The following SH3TC1 variants were observed in gnomAD, a reference collection of about 807,000 sequenced individuals.
The protein encoded by SH3TC1 is SH3 domain and tetratricopeptide repeats 1.
Under a neutral mutation model 117.3 loss-of-function variants are expected in SH3TC1, and 135 were observed. The observed-to-expected ratio is 1.15, with a 90% confidence interval of 1.00 to 1.33. The LOEUF (loss-of-function observed/expected upper bound fraction) is 1.33. Among genes scored for constraint, SH3TC1 ranks in the 40% most tolerant of loss-of-function variants. The probability of loss-of-function intolerance (pLI) is 0.00; values close to 1 mark genes in which losing one functional copy is unlikely to be tolerated. For missense variants in SH3TC1, 2,092 were observed against 1,794.3 expected (o/e 1.17, Z -3.00); for synonymous variants, 898 against 816.9 (o/e 1.10, Z -1.69).
chr4:8,199,267 T>A (rs954910149), upstream of SH3TC1: 2 of 152,276 alleles, frequency 1.3e-5, no homozygotes, highest in Non-Finnish European at 2.9e-5. Context: ...TCAGCCTGGC[T>A]GTGGGCGGCC....
At chr4:8,216,318 G>A in intron 6 of SH3TC1, 61 bp downstream of exon 6, 1 of 1,572,680 alleles carries the variant, frequency 6.4e-7, no homozygotes, top group South Asian at 1.2e-5. Context: ...CGGGCCATGG[G>A]GTGACAGCCT....
intron 9 of SH3TC1, among the ~76,000 whole-genome samples, chr4:8,219,919 G>C (rs1268212251): frequency 6.6e-6 from 1 of 152,162 alleles, no homozygotes; most frequent in Admixed American, 6.5e-5. Context: ...TCTAGGGGAG[G>C]GTCCTTCTTG....
At chr4:8,191,656 G>A (rs563363760) in intron 1 of SH3TC1, among the ~76,000 whole-genome samples, 35 of 152,278 alleles carry the variant, frequency 2.3e-4, no homozygotes, top group African/African-American at 6.7e-4. Context: ...TTATCATGCC[G>A]GCCCGGATAC....
upstream of SH3TC1, among the ~76,000 whole-genome samples, chr4:8,197,750 G>A (rs1390424973): frequency 3.9e-5 from 6 of 152,204 alleles, no homozygotes; most frequent in African/African-American, 1.4e-4. Context: ...GGCATCTGCA[G>A]CTGCACCCCC....
Position 8,205,917 on chromosome 4 carries a change from CA to C in SH3TC1, c.172+552del. 3.9e-6 allele frequency: 2 copies of C among 517,214 alleles called. No individual in the cohort carries two copies. The highest frequency in any genetic ancestry group is 6.9e-6 in the Non-Finnish European group (2 of 290,016). 32.0% of individuals were successfully genotyped at this position (517,214 alleles called of 1,614,324 possible). A position where few individuals can be genotyped will look rare whatever the true frequency, so the allele number is the denominator to read the frequency against. ...ACCCTGAAGGGGACGAGGGGAGAGG[CA>C]GGGGAGACCAAGGCCTGCACGGCCC... On this transcript the variant is annotated intron_variant, in intron 2 of 17. Transcript: ENST00000245105. The surrounding 1 kb of genome is among the most constrained non-coding windows in gnomAD (Gnocchi z 5.4).
chr4:8,227,029 G>A lies in SH3TC1; in HGVS notation c.1335G>A (p.Lys445=), dbSNP rs778274179. ...LSLEPQETLQ[K]VKNVLEQCKT... is the part of the protein sequence containing the mutation. ...TGGAGCCACAGGAGACCTTGCAGAA[G>A]GTGAAGAATGTTCTGGAACAATGCA... Residue 445 remains lysine (K), a synonymous_variant, in exon 12 of 18, where the codon AAG becomes AAA. Transcript: ENST00000245105. The A allele has an allele frequency of 8.9e-6, 14 of 1,575,344 alleles. No individual in the cohort carries two copies. Among genetic ancestry groups the A allele is most frequent in the Non-Finnish European group, 1.2e-5 (14 of 1,161,306 alleles).
chr4:8,237,796 C>T (rs1036991266), intron 17 of SH3TC1, 126 bp downstream of exon 17: 45 of 1,076,444 alleles, frequency 4.2e-5, no homozygotes, highest in South Asian at 2.9e-4. Context: ...TGGAGCGCTG[C>T]GCCCGGCTGG....
In SH3TC1 at chr4:8,205,543, C is replaced by T; in HGVS notation, c.172+177C>T. ...CCCCGCGTGTGTTTAACAGGAGCCACTGTGCCCGCTGAGTCACTTGAGAGG... is the reference window on the plus strand; with the variant it reads ...CCCCGCGTGTGTTTAACAGGAGCCATTGTGCCCGCTGAGTCACTTGAGAGG... On this transcript the variant is annotated intron_variant, in intron 2 of 17. Transcript: ENST00000245105. The surrounding 1 kb of genome is among the most constrained non-coding windows in gnomAD (Gnocchi z 5.4). 1 of 915,138 alleles carries T rather than the reference C, an allele frequency of 1.1e-6. No individual in the cohort carries two copies. Among genetic ancestry groups the T allele is most frequent in the South Asian group, 1.3e-5 (1 of 77,460 alleles). 56.7% of individuals were successfully genotyped at this position (915,138 alleles called of 1,614,324 possible). A position where few individuals can be genotyped will look rare whatever the true frequency, so the allele number is the denominator to read the frequency against.
At chr4:8,234,124 TCATC>T (rs537256053) in intron 14 of SH3TC1, among the ~76,000 whole-genome samples, 106 of 148,566 alleles carry the variant, frequency 7.1e-4, no homozygotes, top group African/African-American at 2.0e-3. Flanking sequence ...GATCCTTCCA[TCATC>T]CATCCATTTA....
In SH3TC1 at chr4:8,209,667, A is replaced by G. The variant is rs777809649; in HGVS notation, c.173-81A>G. Reference sequence around the variant, plus strand: ...AGAACTCACCTCTTTTCTTGCAGAGAGACCTGGAGCGTTTGGCGCCTTCAG... The same window carrying G: ...AGAACTCACCTCTTTTCTTGCAGAGGGACCTGGAGCGTTTGGCGCCTTCAG... On this transcript the variant is annotated intron_variant, in intron 2 of 17. Coordinates refer to ENST00000245105, the MANE Select transcript of SH3TC1 (RefSeq NM_018986.5). This position sits in a 1 kb window ranked among gnomAD's most constrained non-coding sequence, Gnocchi z 5.9. The G allele has an allele frequency of 2.5e-5, 40 of 1,587,624 alleles. No individual in the cohort carries two copies. In the South Asian group the frequency reaches 3.8e-4, roughly 15 times the overall value.
Position 8,211,288 on chromosome 4 carries a change from C to T in SH3TC1, c.248-1413C>T, listed in dbSNP as rs182797904. ...GTTTTCTCCCCCTCCCTCCTTCTCC[C>T]CCTCCCGTTTTCTCCCTCCTCCCTC... On this transcript the variant is annotated intron_variant, in intron 3 of 17. Transcript: ENST00000245105. 3.3e-3 allele frequency among the ~76,000 whole-genome samples: 167 copies of T among 50,642 alleles called. 5 individuals are homozygous for T. Among genetic ancestry groups the T allele is most frequent in the African/African-American group, 0.013 (156 of 11,814 alleles). 33.2% of individuals were successfully genotyped at this position (50,642 alleles called of 152,430 possible).
At position 8,192,053 on chromosome 4, in the gene SH3TC1, G is replaced by A. The variant is rs1340530135; in HGVS notation, c.-57+9843G>A. Among the ~76,000 whole-genome samples the A allele has an allele frequency of 6.6e-6, 1 of 151,822 alleles. No individual in the cohort carries two copies. Among genetic ancestry groups the A allele is most frequent in the African/African-American group, 2.4e-5 (1 of 41,276 alleles). On this transcript the variant is annotated intron_variant, in intron 1 of 16. Transcript: ENST00000508641. The surrounding 1 kb of genome is among the most constrained non-coding windows in gnomAD (Gnocchi z 4.1). The stretch of plus-strand genomic sequence containing the variant: ...CACCCAGGCTGGAGTGCAATGGCGC[G>A]ATCTCGGCTCACTGCCACCTCGGCC...
intron 12 of SH3TC1, among the ~76,000 whole-genome samples, chr4:8,230,937 A>G (rs1721144423): frequency 6.6e-6 from 1 of 151,264 alleles, no homozygotes; most frequent in Non-Finnish European, 1.5e-5. Context: ...GCACCACCAC[A>G]CCCGGCTAAT....
chr4:8,191,254 C>T (rs1195647700), intron 1 of SH3TC1, among the ~76,000 whole-genome samples: 1 of 152,236 alleles, frequency 6.6e-6, no homozygotes, highest in Non-Finnish European at 1.5e-5. Context: ...TCAGCGATTC[C>T]CTGGGCTCCA....
chr4:8,220,386 C>CT (rs139123377), intron 9 of SH3TC1, among the ~76,000 whole-genome samples: 14 of 136,994 alleles, frequency 1.0e-4, no homozygotes. Flanking sequence ...CGTGGCTCCT[C>CT]TGGGGGGGGC....
At chr4:8,223,040 C>T (rs1473902985) in intron 10 of SH3TC1, 70 bp downstream of exon 10, 10 of 1,543,014 alleles carry the variant, frequency 6.5e-6, no homozygotes, top group Non-Finnish European at 8.8e-6. Context: ...CTGCTGCCCT[C>T]GTCCATCCAC....
At chr4:8,233,642 C>T (rs1721462935) in intron 14 of SH3TC1, 129 bp downstream of exon 14, 1 of 1,155,570 alleles carries the variant, frequency 8.7e-7, no homozygotes, top group East Asian at 2.9e-5. Flanking sequence ...TTCCTTCCAT[C>T]CATCCATCCT....
At chr4:8,194,679 G>A (rs1717507809), upstream of SH3TC1, among the ~76,000 whole-genome samples, 1 of 152,194 alleles carries the variant, frequency 6.6e-6, no homozygotes, top group Non-Finnish European at 1.5e-5. Flanking sequence ...GGGTCACCTT[G>A]CCTTATAATT....
intron 7 of SH3TC1, 153 bp from the exon 8 acceptor site, chr4:8,218,116 ATG>A (rs58534598): frequency 0.028 from 12,466 of 448,750 alleles, 12 homozygotes; most frequent in East Asian, 0.053. Flanking sequence ...CTGGGCAGGC[ATG>A]TGTGTGTGTG....
Sources: allele counts gnomAD v4.1 joint callset (sites outside exome capture counted in the v4.1 genomes callset), GRCh38; gene constraint gnomAD v4.1.1; non-coding constraint Gnocchi (gnomAD v3.1); transcripts MANE v1.5; gene names NCBI Gene and HGNC (gene_info 2026-07-23, HGNC 2026-07-21).